The following TJP2 variants were observed in gnomAD, a reference collection of about 807,000 sequenced individuals.
TJP2 encodes the protein tight junction protein 2.
TJP2 carries 91 observed loss-of-function variants against 133.1 expected under a neutral mutation model. The observed-to-expected ratio is 0.68, with a 90% CI of 0.58 to 0.81. TJP2 has a LOEUF of 0.81. Among genes scored for constraint, TJP2 ranks in the 40% least tolerant of loss-of-function variants. The probability of loss-of-function intolerance (pLI) is 0.00; values close to 1 mark genes in which losing one functional copy is unlikely to be tolerated. For missense variants in TJP2, 1,541 were observed against 1,565.6 expected (o/e 0.98, Z 0.26); for synonymous variants, 592 against 583.4 (o/e 1.01, Z -0.21).
rs1327479248 is a variant in TJP2 at position 69,218,309 on chromosome 9, C to T, written c.292C>T (p.His98Tyr). ...VNGTPMEDVL[H>Y]SFAVQQLRKS... ...TGGCACCCCCATGGAGGATGTGCTT[C>T]ATTCGTTTGCAGTTCAGCAGCTCAG... Residue 98 changes from histidine to tyrosine, a missense_variant, in exon 4 of 23, where the codon CAT (histidine) becomes TAT (tyrosine). Physicochemically the swap from His to Tyr is moderately conservative, Grantham distance 83. Transcript: ENST00000377245. 1 of 1,614,208 alleles carries T rather than the reference C, an allele frequency of 6.2e-7. No individual in the cohort carries two copies.
chr9:69,225,415 G>C lies in TJP2; in HGVS notation c.1056+8G>C, dbSNP rs779964139. 5 of 1,588,284 alleles carry C rather than the reference G, an allele frequency of 3.1e-6. No homozygotes were observed. In the Admixed American group the frequency reaches 8.4e-5, roughly 27 times the overall value. On this transcript the variant is annotated splice_region_variant and intron_variant, in intron 6 of 22. Transcript: ENST00000377245. ...GGAGACATAATTCTCAAGGTGGGTA[G>C]ATGGGGGCAGAGAACGGTAGTGTGC...
At chr9:69,244,213 C>G (rs1213765043) in intron 17 of TJP2, among the ~76,000 whole-genome samples, 5 of 148,530 alleles carry the variant, frequency 3.4e-5, no homozygotes, top group Non-Finnish European at 3.0e-5. Flanking sequence ...AAAAAGTATG[C>G]AATTCAGTGG....
At chr9:69,137,870 A>G (rs572960664) in intron 1 of TJP2, among the ~76,000 whole-genome samples, 1 of 152,296 alleles carries the variant, frequency 6.6e-6, no homozygotes, top group South Asian at 2.1e-4. Context: ...GACAATGTGC[A>G]GTCATTTCAT....
intron 1 of TJP2, among the ~76,000 whole-genome samples, chr9:69,206,552 T>TA (rs1217826743): frequency 3.2e-5 from 4 of 124,928 alleles, no homozygotes; most frequent in East Asian, 5.1e-4. Context: ...ATCTCCCTAT[T>TA]TTTTATTTAT....
intron 19 of TJP2, chr9:69,248,561 C>T: frequency 8.2e-7 from 1 of 1,219,408 alleles, no homozygotes; most frequent in African/African-American, 1.6e-5. Context: ...TACTTGTAAC[C>T]TTTGATTAGG....
intron 1 of TJP2, among the ~76,000 whole-genome samples, chr9:69,194,782 T>A (rs10869992): frequency 1.3e-5 from 2 of 152,006 alleles, no homozygotes; most frequent in Non-Finnish European, 2.9e-5. Context: ...ATGCATATTT[T>A]TATCAGTAGG....
At chr9:69,198,923 G>A (rs530313039) in intron 1 of TJP2, among the ~76,000 whole-genome samples, 3 of 152,356 alleles carry the variant, frequency 2.0e-5, no homozygotes, top group Admixed American at 2.0e-4. Flanking sequence ...AAGCCAAAAG[G>A]ACTTGGTTTA....
At chr9:69,175,088 G>A (rs1012534922) in intron 1 of TJP2, among the ~76,000 whole-genome samples, 1 of 152,056 alleles carries the variant, frequency 6.6e-6, no homozygotes, top group African/African-American at 2.4e-5. Context: ...AAATAATCAG[G>A]GATTTCTACC....
chr9:69,250,233 G>A (rs1030722860), intron 20 of TJP2, among the ~76,000 whole-genome samples: 3 of 152,168 alleles, frequency 2.0e-5, no homozygotes, highest in African/African-American at 7.2e-5. Flanking sequence ...CTCCCGAGTA[G>A]CTGGGACTTA....
At chr9:69,143,262 C>T (rs1035884541) in intron 1 of TJP2, among the ~76,000 whole-genome samples, 5 of 152,192 alleles carry the variant, frequency 3.3e-5, no homozygotes, top group Admixed American at 6.5e-5. Flanking sequence ...TTTAAAACAT[C>T]CCATTTGCAA....
chr9:69,192,231 C>T (rs1826250212), intron 1 of TJP2, among the ~76,000 whole-genome samples: 1 of 151,572 alleles, frequency 6.6e-6, no homozygotes, highest in South Asian at 2.1e-4. Flanking sequence ...GAGGATTGCT[C>T]CAGCCCAGAA....
chr9:69,175,110 A>G (rs966125588), intron 1 of TJP2, among the ~76,000 whole-genome samples: 3 of 152,198 alleles, frequency 2.0e-5, no homozygotes, highest in African/African-American at 7.2e-5. Context: ...CAGGGTTTTA[A>G]CATTCTTGAA....
chr9:69,137,874 A>G (rs1822846603), intron 1 of TJP2, among the ~76,000 whole-genome samples: 1 of 152,074 alleles, frequency 6.6e-6, no homozygotes, highest in African/African-American at 2.4e-5. Context: ...ATGTGCAGTC[A>G]TTTCATTTCC....
chr9:69,235,633 T>G (rs548968642), intron 12 of TJP2, among the ~76,000 whole-genome samples: 1 of 152,206 alleles, frequency 6.6e-6, no homozygotes, highest in East Asian at 1.9e-4. Context: ...AGTTTCCTCT[T>G]AATTGAGAAG....
rs571570275 is a variant in TJP2, at chr9:69,198,394, G to A, written c.61-14154G>A. ...TGACCTCAGGTCATCTGCCCGCCTT[G>A]GCCTCCCAAGGTGCTGGGATTACAG... On this transcript the variant is annotated intron_variant, in intron 1 of 22. Coordinates refer to ENST00000377245, the MANE Select transcript of TJP2 (RefSeq NM_004817.4). Among the ~76,000 whole-genome samples, 14 of 152,274 alleles carry A rather than the reference G, an allele frequency of 9.2e-5. No individual in the cohort carries two copies. The East Asian group carries it at 1.7e-3, about 19-fold the overall frequency.
rs543609498 is a variant in TJP2 at position 69,210,504 on chromosome 9, T to G, written c.61-2044T>G. ...AAAATTCACTTTTATTTTTTAAAAT[T>G]GAAGAACAGTCGTCACAGTGAACAG... On this transcript the variant is annotated intron_variant, in intron 1 of 22. Transcript: ENST00000377245. 2.1e-4 allele frequency among the ~76,000 whole-genome samples: 32 copies of G among 152,270 alleles called. No homozygotes were observed. The East Asian group carries it at 3.1e-3, about 15-fold the overall frequency.
intron 19 of TJP2, chr9:69,248,676 C>G: frequency 9.7e-7 from 1 of 1,028,180 alleles, no homozygotes; most frequent in Non-Finnish European, 1.2e-6. Context: ...GTTTCCTTCT[C>G]TCTTATATTT....
chr9:69,221,037 G>A lies in TJP2; in HGVS notation c.493G>A (p.Gly165Arg). ...CGAGAGGAGCCGGCTGAACAGCCAT[G>A]GGGGGCGCAGCCGCAGCTGGGAGGA... ...YSERSRLNSH[G>R]GRSRSWEDSP... The change falls in exon 5 of 23, where the codon GGG (glycine) becomes AGG (arginine). Residue 165 changes from glycine (G) to arginine (R), a missense_variant. Physicochemically the swap from Gly to Arg is moderately radical, Grantham distance 125 (BLOSUM62 -2). Coordinates refer to ENST00000377245, the MANE Select transcript of TJP2 (RefSeq NM_004817.4). 6.2e-7 allele frequency: 1 copy of A among 1,607,656 alleles called. No homozygotes were observed. Among genetic ancestry groups the A allele is most frequent in the South Asian group, 1.1e-5 (1 of 90,232 alleles).
intron 1 of TJP2, among the ~76,000 whole-genome samples, chr9:69,144,192 G>A (rs1362129943): frequency 6.6e-6 from 1 of 152,128 alleles, no homozygotes; most frequent in Non-Finnish European, 1.5e-5. Context: ...AAGCATGAGA[G>A]AAGAAAAGAG....
Sources: gnomAD v4.1 joint callset for allele counts (sites outside exome capture counted in the v4.1 genomes callset) on GRCh38, gnomAD v4.1.1 for gene constraint, MANE v1.5 for transcripts, NCBI Gene and HGNC (gene_info 2026-07-23, HGNC 2026-07-21) for gene names.